Variants in TBC1D5 observed in about 807,000 individuals in gnomAD.
TBC1D5 encodes TBC1 domain family member 5.
In TBC1D5, 75 loss-of-function variants were observed where a neutral mutation model predicts 100.3. That is an observed-to-expected ratio of 0.75 (90% CI 0.62 to 0.91). The LOEUF is 0.91. Ranked by LOEUF, TBC1D5 falls within the 40% of genes least tolerant of loss-of-function variation. TBC1D5 has a pLI of 0.00. For missense variants in TBC1D5, 910 were observed against 942.4 expected (o/e 0.97, Z 0.45); for synonymous variants, 323 against 325.6 (o/e 0.99, Z 0.09).
chr3:17,202,920 G>C (rs2071651197), intron 18 of TBC1D5, among the ~76,000 whole-genome samples: 1 of 152,258 alleles, frequency 6.6e-6, no homozygotes, highest in African/African-American at 2.4e-5. Context: ...GTGCAGAGGG[G>C]AAATGTGGGA....
chr3:17,340,286 A>C (rs1437576837), intron 13 of TBC1D5, among the ~76,000 whole-genome samples: 2 of 152,188 alleles, frequency 1.3e-5, no homozygotes, highest in African/African-American at 4.8e-5. Flanking sequence ...TGAGAAGTTC[A>C]CAAGGAGAGA....
chr3:17,352,311 T>A (rs1016427083), intron 13 of TBC1D5, among the ~76,000 whole-genome samples: 2 of 152,086 alleles, frequency 1.3e-5, no homozygotes, highest in African/African-American at 4.8e-5. Flanking sequence ...AAATAAAAAA[T>A]ACCTTTTATT....
At chr3:17,492,943 TTA>T (rs777161022) in intron 3 of TBC1D5, among the ~76,000 whole-genome samples, 245 of 152,274 alleles carry the variant, frequency 1.6e-3, no homozygotes, top group Non-Finnish European at 1.3e-3. Context: ...ACATTTAAGA[TTA>T]ATATTGTTAT....
intron 7 of TBC1D5, among the ~76,000 whole-genome samples, chr3:17,403,673 G>A (rs1457831519): frequency 2.6e-5 from 4 of 152,052 alleles, no homozygotes; most frequent in African/African-American, 9.7e-5. Flanking sequence ...GTATACAAGA[G>A]GATGTACACA....
At chr3:17,580,293 T>C (rs1228181990) in intron 2 of TBC1D5, among the ~76,000 whole-genome samples, 1 of 152,192 alleles carries the variant, frequency 6.6e-6, no homozygotes, top group Non-Finnish European at 1.5e-5. Flanking sequence ...AACAGAATTT[T>C]TTTTTAACCA....
At chr3:17,273,428 C>CT (rs2079633391) in intron 15 of TBC1D5, among the ~76,000 whole-genome samples, 1 of 152,178 alleles carries the variant, frequency 6.6e-6, no homozygotes, top group African/African-American at 2.4e-5. Context: ...CAGATCCCTT[C>CT]TTAGAGCTCT....
chr3:17,444,341 T>C (rs1394782803), intron 3 of TBC1D5, among the ~76,000 whole-genome samples: 1 of 152,084 alleles, frequency 6.6e-6, no homozygotes, highest in Non-Finnish European at 1.5e-5. Flanking sequence ...CTATTTTCTA[T>C]AAAATTGAAT....
intron 1 of TBC1D5, among the ~76,000 whole-genome samples, chr3:17,698,211 C>T (rs2072474790): frequency 6.6e-6 from 1 of 152,168 alleles, no homozygotes. Flanking sequence ...ATCAATGGAA[C>T]AGAACAGAGC....
exon 22 of TBC1D5, chr3:17,158,968 A>T (rs1441483364): frequency 6.6e-6 from 1 of 152,232 alleles, no homozygotes; most frequent in Non-Finnish European, 1.5e-5. Context: ...TGAGAAAGTG[A>T]CCAATGGCAA....
At chr3:17,605,999 C>T (rs1330973800) in intron 2 of TBC1D5, among the ~76,000 whole-genome samples, 3 of 152,134 alleles carry the variant, frequency 2.0e-5, no homozygotes, top group Admixed American at 6.5e-5. Flanking sequence ...TGCAAGTTGG[C>T]CTGTCTAAAT....
Position 17,639,121 on chromosome 3 carries a change from C to T in TBC1D5, c.-100-15208G>A, listed in dbSNP as rs991138263. On this transcript the variant is annotated intron_variant, in intron 1 of 21. Coordinates refer to ENST00000253692, the Ensembl canonical transcript of TBC1D5. ...AAAAACTGCAAACAACATAAATGTC[C>T]GTGGAATGGACTGACAGATGATGAA... is the stretch of plus-strand genomic sequence containing the variant. Among the ~76,000 whole-genome samples the T allele has an allele frequency of 3.3e-5, 5 of 151,942 alleles. No homozygotes were observed. In the South Asian group the frequency reaches 1.0e-3, roughly 32 times the overall value.
chr3:17,510,612 G>A (rs988646655), intron 2 of TBC1D5, among the ~76,000 whole-genome samples: 5 of 151,970 alleles, frequency 3.3e-5, no homozygotes, highest in East Asian at 1.9e-4. Context: ...GTAGATGATC[G>A]GTTATAGTAT....
chr3:17,429,086 C>T (rs1055148853), intron 3 of TBC1D5, among the ~76,000 whole-genome samples: 5 of 151,658 alleles, frequency 3.3e-5, no homozygotes, highest in South Asian at 2.1e-4. Context: ...GTCAAAAGTT[C>T]GGCAATTTAA....
intron 17 of TBC1D5, among the ~76,000 whole-genome samples, chr3:17,216,746 G>A (rs1363718470): frequency 1.3e-5 from 2 of 151,818 alleles, no homozygotes; most frequent in African/African-American, 2.4e-5. Context: ...TCAATAACAC[G>A]GGGTCCTAGA....
chr3:17,387,461 A>AC (rs898743128), intron 8 of TBC1D5, among the ~76,000 whole-genome samples: 1 of 152,122 alleles, frequency 6.6e-6, no homozygotes, highest in African/African-American at 2.4e-5. Flanking sequence ...CCTAGACAAT[A>AC]ACATAGTTCC....
At chr3:17,303,401 A>G (rs773159771) in intron 14 of TBC1D5, among the ~76,000 whole-genome samples, 5 of 152,234 alleles carry the variant, frequency 3.3e-5, no homozygotes, top group Non-Finnish European at 7.3e-5. Flanking sequence ...GACTGGTTCA[A>G]TAAAAGCTGT....
chr3:17,459,396 C>T (rs971187595), intron 3 of TBC1D5, among the ~76,000 whole-genome samples: 1 of 152,208 alleles, frequency 6.6e-6, no homozygotes, highest in Non-Finnish European at 1.5e-5. Flanking sequence ...CGCTACTGAT[C>T]TGACAGGAGG....
chr3:17,705,915 G>T, intron 1 of TBC1D5: 1 of 950,240 alleles, frequency 1.1e-6, no homozygotes, highest in South Asian at 1.7e-5. Context: ...CTTGCCCTCG[G>T]GCCCGCGGGG....
At chr3:17,727,457 G>T (rs1011396053) in intron 1 of TBC1D5, among the ~76,000 whole-genome samples, 7 of 152,098 alleles carry the variant, frequency 4.6e-5, no homozygotes, top group Non-Finnish European at 2.9e-5. Flanking sequence ...AAATAAAGGA[G>T]AACTGAGTTC....
Sources: allele counts gnomAD v4.1 joint callset (sites outside exome capture counted in the v4.1 genomes callset), GRCh38; gene constraint gnomAD v4.1.1; transcripts MANE v1.5; gene names NCBI Gene and HGNC (gene_info 2026-07-23, HGNC 2026-07-21).